WDPCP: variants seen among roughly 807,000 people sequenced by gnomAD.
WDPCP encodes WD repeat containing planar cell polarity effector.
A neutral mutation model predicts 93.1 loss-of-function variants in WDPCP; 71 were observed. The ratio of observed to expected loss-of-function variants is 0.76; its 90% CI spans 0.63 to 0.93. The LOEUF (loss-of-function observed/expected upper bound fraction) is 0.93. Ranked by LOEUF, WDPCP falls within the 40% of genes least tolerant of loss-of-function variation. The pLI, the probability that WDPCP is intolerant of heterozygous loss-of-function variation, is 0.00. For missense variants in WDPCP, 844 were observed against 887.4 expected, an observed-to-expected ratio of 0.95 and a Z score of 0.62; for synonymous variants, 315 against 315.0, an observed-to-expected ratio of 1.00 and a Z score of 0.00.
chr2:63,453,546 A>G (rs1348589445), intron 6 of WDPCP, among the ~76,000 whole-genome samples: 1 of 152,198 alleles, frequency 6.6e-6, no homozygotes, highest in African/African-American at 2.4e-5. Flanking sequence ...CGATTCCTCA[A>G]GTATATAGAA....
chr2:63,146,667 TC>T (rs748548649), intron 17 of WDPCP, among the ~76,000 whole-genome samples: 6 of 152,130 alleles, frequency 3.9e-5, no homozygotes, highest in Non-Finnish European at 8.8e-5. Context: ...AAGCCACTGT[TC>T]CCGGCCGAGA....
chr2:63,542,086 G>A (rs1704783707), intron 1 of WDPCP, among the ~76,000 whole-genome samples: 1 of 152,116 alleles, frequency 6.6e-6, no homozygotes, highest in Non-Finnish European at 1.5e-5. Context: ...ATAAGTGACT[G>A]CATAGCAATA....
intron 3 of WDPCP, chr2:63,622,579 T>C (rs907414426): frequency 8.7e-6 from 14 of 1,613,842 alleles, no homozygotes; most frequent in East Asian, 2.2e-5. Context: ...GGGTCCACAA[T>C]AGAGTCCTCC....
At chr2:63,620,688 TCTC>T (rs1709725856) in intron 3 of WDPCP, among the ~76,000 whole-genome samples, 3 of 152,182 alleles carry the variant, frequency 2.0e-5, no homozygotes, top group African/African-American at 7.2e-5. Flanking sequence ...GGACAGACTG[TCTC>T]CTCAAGTGGG....
chr2:63,471,648 A>C (rs1699697719), intron 6 of WDPCP, among the ~76,000 whole-genome samples: 1 of 152,192 alleles, frequency 6.6e-6, no homozygotes, highest in Non-Finnish European at 1.5e-5. Flanking sequence ...CTTACATTAA[A>C]TGATCTATCA....
At chr2:63,423,160 A>G (rs1696000944) in intron 9 of WDPCP, among the ~76,000 whole-genome samples, 1 of 152,194 alleles carries the variant, frequency 6.6e-6, no homozygotes, top group Non-Finnish European at 1.5e-5. Context: ...CCTTTGTAAT[A>G]GCTCATTAAA....
At chr2:63,690,572 A>G (rs1439441246) in intron 2 of WDPCP, among the ~76,000 whole-genome samples, 1 of 151,964 alleles carries the variant, frequency 6.6e-6, no homozygotes, top group African/African-American at 2.4e-5. Context: ...TGGGCAACAT[A>G]GCAAGATCTC....
At chr2:63,504,610 C>T (rs887843185) in intron 1 of WDPCP, among the ~76,000 whole-genome samples, 1 of 151,942 alleles carries the variant, frequency 6.6e-6, no homozygotes, top group Non-Finnish European at 1.5e-5. Context: ...GCTCTTTCAA[C>T]TCTCTCTCCC....
chr2:63,808,345 C>G (rs1171300307), intron 2 of WDPCP, among the ~76,000 whole-genome samples: 2 of 122,216 alleles, frequency 1.6e-5, no homozygotes, highest in Non-Finnish European at 3.3e-5. Context: ...CCCCTCTCCC[C>G]ACGGTCTCCC....
At chr2:63,195,598 G>A (rs113627542) in intron 14 of WDPCP, among the ~76,000 whole-genome samples, 139 of 152,058 alleles carry the variant, frequency 9.1e-4, no homozygotes, top group African/African-American at 3.0e-3. Context: ...GGTTATAGGC[G>A]TGAGCCACCA....
Position 63,645,272 on chromosome 2 carries a change from A to G in WDPCP, n.488+5387T>C, listed in dbSNP as rs572248411. 7.9e-5 allele frequency among the ~76,000 whole-genome samples: 12 copies of G among 152,340 alleles called. No individual in the cohort carries two copies. In the South Asian group the frequency reaches 2.5e-3, roughly 32 times the overall value. On this transcript the variant is annotated intron_variant and non_coding_transcript_variant, in intron 3 of 4. Coordinates refer to the WDPCP transcript ENST00000467687. ...TTCTTTATTCACACGCTCATCACTC[A>G]GGAGCATATTATTTAATTTCCATAT...
chr2:63,143,699 G>A (rs1356270592), intron 17 of WDPCP, among the ~76,000 whole-genome samples: 4 of 152,130 alleles, frequency 2.6e-5, no homozygotes, highest in African/African-American at 9.7e-5. Context: ...CATACATGAT[G>A]CTTACTTTTG....
At chr2:63,122,199 A>G (rs566766151) in intron 17 of WDPCP, 143 bp from the exon 18 acceptor site, 1 of 675,148 alleles carries the variant, frequency 1.5e-6, no homozygotes, top group Non-Finnish European at 2.5e-6. Context: ...GATACATAAG[A>G]TAACTGTATA....
chr2:63,354,381 A>C (rs1195917868), intron 12 of WDPCP, among the ~76,000 whole-genome samples: 1 of 152,174 alleles, frequency 6.6e-6, no homozygotes, highest in Non-Finnish European at 1.5e-5. Context: ...GAAGGAACAT[A>C]AACACTGAGA....
At chr2:63,218,628 C>T (rs1677552913) in intron 14 of WDPCP, among the ~76,000 whole-genome samples, 1 of 152,122 alleles carries the variant, frequency 6.6e-6, no homozygotes, top group South Asian at 2.1e-4. Flanking sequence ...CTCCCGGGTT[C>T]AAGCGATTCT....
At chr2:63,479,295 T>C (rs537409393) in intron 6 of WDPCP, among the ~76,000 whole-genome samples, 2 of 152,178 alleles carry the variant, frequency 1.3e-5, no homozygotes, top group South Asian at 4.2e-4. Flanking sequence ...ATTGACACTA[T>C]TCCACAAGAT....
chr2:63,467,990 A>G (rs888821079), intron 6 of WDPCP, among the ~76,000 whole-genome samples: 1 of 152,096 alleles, frequency 6.6e-6, no homozygotes, highest in Non-Finnish European at 1.5e-5. Flanking sequence ...GGCTGGCGGT[A>G]AAGTTGATGG....
intron 13 of WDPCP, among the ~76,000 whole-genome samples, chr2:63,311,654 C>A (rs1186831586): frequency 6.6e-6 from 1 of 152,144 alleles, no homozygotes. Context: ...ATTAGCCTAT[C>A]AGTAGAAAGG....
intron 2 of WDPCP, among the ~76,000 whole-genome samples, chr2:63,708,795 A>ACAGACAGGGTTTCATCGTGTTAGC: frequency 6.6e-6 from 1 of 151,934 alleles, no homozygotes; most frequent in African/African-American, 2.4e-5. Flanking sequence ...TATTTTTAGT[A>ACAGACAGGGTTTCATCGTGTTAGC]CAGACAGGGT....
Sources: gnomAD v4.1 joint callset for allele counts (sites outside exome capture counted in the v4.1 genomes callset) on GRCh38, gnomAD v4.1.1 for gene constraint, MANE v1.5 for transcripts, NCBI Gene and HGNC (gene_info 2026-07-23, HGNC 2026-07-21) for gene names.